Variants in ASIC2 observed in about 807,000 individuals in gnomAD.
ASIC2 encodes the protein acid sensing ion channel subunit 2, also known as acid-sensing ion channel 2.
A neutral mutation model predicts 57.3 loss-of-function variants in ASIC2; 25 were observed. The ratio of observed to expected loss-of-function variants is 0.44; its 90% CI spans 0.32 to 0.61. ASIC2 has a LOEUF of 0.61. ASIC2 is among the 20% of genes least tolerant of loss of function. The pLI, the probability that ASIC2 is intolerant of heterozygous loss-of-function variation, is 0.06. For synonymous variants in ASIC2, 319 were observed against 307.5 expected (o/e 1.04, Z -0.39); for missense variants, 641 against 738.1 (o/e 0.87, Z 1.52).
chr17:34,077,334 C>T (rs1010964122), intron 1 of ASIC2, among the ~76,000 whole-genome samples: 5 of 152,270 alleles, frequency 3.3e-5, no homozygotes, highest in African/African-American at 7.2e-5. Flanking sequence ...GATCGAGCCC[C>T]GGGAGGCAGC....
chr17:33,642,582 A>T lies in ASIC2; in HGVS notation c.555+513396T>A, dbSNP rs114693641. On this transcript the variant is annotated intron_variant, in intron 1 of 9. Transcript: ENST00000359872. The stretch of plus-strand genomic sequence containing the variant: ...CAAATCAGAACCCCAAACCCTAAAG[A>T]CTTTATACTCTCACTGTCCGTCCAT... Among the ~76,000 whole-genome samples the T allele has an allele frequency of 6.2e-3, 940 of 152,198 alleles. 9 individuals carry two copies. Among genetic ancestry groups the T allele is most frequent in the African/African-American group, 0.022 (893 of 41,530 alleles).
chr17:33,799,412 TTTCTTTCTTTCTTTCTTC>T (rs1912036421), intron 1 of ASIC2, among the ~76,000 whole-genome samples: 4 of 67,462 alleles, frequency 5.9e-5, no homozygotes, highest in South Asian at 3.9e-4. Context: ...CTTTTCTTTC[TTTCTTTCTTTCTTTCTTC>T]TTTCTTTCTT....
intron 1 of ASIC2, among the ~76,000 whole-genome samples, chr17:33,368,025 CA>C (rs992287852): frequency 6.6e-6 from 1 of 152,082 alleles, no homozygotes; most frequent in African/African-American, 2.4e-5. Flanking sequence ...CTATATTTTC[CA>C]AAATGGACTC....
rs370232623 is a variant in ASIC2 at position 33,228,525 on chromosome 17, TGA to T, written c.708+62881_708+62882del. Among the ~76,000 whole-genome samples the T allele has an allele frequency of 4.0e-3, 615 of 152,344 alleles. 5 individuals are homozygous for T. Among genetic ancestry groups the T allele is most frequent in the African/African-American group, 0.014 (577 of 41,588 alleles). On this transcript the variant is annotated intron_variant, in intron 1 of 9. Coordinates refer to ENST00000225823, the MANE Select transcript of ASIC2 (RefSeq NM_183377.2). Reference sequence around the variant, plus strand: ...ATGTGGTGTGAGTGCGTGACATCCATGAGACACATGATAGCCACACAATATGT... The same window carrying T: ...ATGTGGTGTGAGTGCGTGACATCCATGACACATGATAGCCACACAATATGT...
At chr17:33,152,351 C>T (rs1567764764) in intron 1 of ASIC2, among the ~76,000 whole-genome samples, 1 of 152,112 alleles carries the variant, frequency 6.6e-6, no homozygotes, top group South Asian at 2.1e-4. Context: ...GCTGCAAGGT[C>T]GTGAATGCCA....
intron 1 of ASIC2, among the ~76,000 whole-genome samples, chr17:33,272,762 T>G (rs369176484): frequency 1.4e-4 from 21 of 152,228 alleles, no homozygotes; most frequent in Admixed American, 5.9e-4. Flanking sequence ...ATGCTTTACA[T>G]TGAACAAAAC....
At chr17:33,412,268 T>C (rs1910690270) in intron 1 of ASIC2, among the ~76,000 whole-genome samples, 1 of 152,232 alleles carries the variant, frequency 6.6e-6, no homozygotes. Context: ...CTATCATCTT[T>C]GTACCAACCC....
intron 1 of ASIC2, among the ~76,000 whole-genome samples, chr17:33,577,896 C>T (rs750661914): frequency 2.7e-4 from 41 of 152,162 alleles, no homozygotes; most frequent in Non-Finnish European, 5.9e-4. Flanking sequence ...GTGGTGTGTT[C>T]CTGGTGCTTG....
At chr17:33,127,887 C>T (rs2092330096) in intron 1 of ASIC2, among the ~76,000 whole-genome samples, 1 of 152,206 alleles carries the variant, frequency 6.6e-6, no homozygotes, top group African/African-American at 2.4e-5. Flanking sequence ...TGGTTTTGGG[C>T]TGGCATATTG....
At chr17:33,991,203 C>T (rs1905990555) in intron 1 of ASIC2, among the ~76,000 whole-genome samples, 1 of 152,112 alleles carries the variant, frequency 6.6e-6, no homozygotes, top group Non-Finnish European at 1.5e-5. Flanking sequence ...CTTGAGTAGC[C>T]ACTGAAAAGA....
chr17:34,048,512 T>C (rs1908423121), intron 1 of ASIC2, among the ~76,000 whole-genome samples: 2 of 152,230 alleles, frequency 1.3e-5, no homozygotes, highest in African/African-American at 4.8e-5. Context: ...CCTATCTGCC[T>C]ATCATCTCCC....
chr17:33,621,412 C>T (rs17782949), intron 1 of ASIC2, among the ~76,000 whole-genome samples: 10,805 of 152,186 alleles, frequency 0.071, 488 homozygotes, highest in Non-Finnish European at 0.1. Flanking sequence ...TCAAATAGAA[C>T]GGGGCGATGT....
intron 1 of ASIC2, among the ~76,000 whole-genome samples, chr17:33,662,491 G>C (rs567081296): frequency 1.3e-5 from 2 of 151,190 alleles, no homozygotes; most frequent in Non-Finnish European, 2.9e-5. Context: ...TGTGGTGGGG[G>C]GGGCACCTGT....
At chr17:33,098,321 G>A (rs2092192468) in intron 2 of ASIC2, among the ~76,000 whole-genome samples, 1 of 152,174 alleles carries the variant, frequency 6.6e-6, no homozygotes, top group African/African-American at 2.4e-5. Flanking sequence ...TCTAAAATTG[G>A]GCAGTGTGTA....
At chr17:33,702,626 T>C (rs1344078362) in intron 1 of ASIC2, among the ~76,000 whole-genome samples, 1 of 152,172 alleles carries the variant, frequency 6.6e-6, no homozygotes, top group Non-Finnish European at 1.5e-5. Context: ...ACCTACACAA[T>C]GACAGCCCAG....
intron 1 of ASIC2, among the ~76,000 whole-genome samples, chr17:33,733,964 T>G (rs955361465): frequency 1.3e-5 from 2 of 152,172 alleles, no homozygotes; most frequent in Non-Finnish European, 2.9e-5. Context: ...ACAACACTGG[T>G]ATTTCCCAGA....
chr17:33,381,468 C>T (rs551191617), intron 1 of ASIC2, among the ~76,000 whole-genome samples: 1 of 152,216 alleles, frequency 6.6e-6, no homozygotes, highest in Non-Finnish European at 1.5e-5. Flanking sequence ...GTCTGGGCTT[C>T]CGGCAGCATC....
intron 1 of ASIC2, among the ~76,000 whole-genome samples, chr17:33,671,777 G>A (rs763429532): frequency 2.6e-5 from 4 of 152,146 alleles, no homozygotes; most frequent in African/African-American, 9.7e-5. Flanking sequence ...CCTGAGTCGC[G>A]AGATGCACCG....
intron 1 of ASIC2, among the ~76,000 whole-genome samples, chr17:33,441,068 G>C (rs1302718659): frequency 2.0e-5 from 3 of 152,032 alleles, no homozygotes; most frequent in Non-Finnish European, 2.9e-5. Flanking sequence ...TCCTGGGCTT[G>C]AGTGATCCTC....
Sources: allele counts gnomAD v4.1 joint callset (sites outside exome capture counted in the v4.1 genomes callset), GRCh38; gene constraint gnomAD v4.1.1; transcripts MANE v1.5; gene names NCBI Gene and HGNC (gene_info 2026-07-23, HGNC 2026-07-21).